KMT2C: variants seen among roughly 807,000 people sequenced by gnomAD.
KMT2C encodes the protein lysine methyltransferase 2C, also known as histone-lysine N-methyltransferase 2C.
In KMT2C, 88 loss-of-function variants were observed where a neutral mutation model predicts 507.9. That is an observed-to-expected ratio of 0.17 (90% CI 0.15 to 0.21). The LOEUF is 0.21. Among genes scored for constraint, KMT2C ranks in the 10% least tolerant of loss-of-function variants. The probability of loss-of-function intolerance (pLI) is 1.00; values close to 1 mark genes in which losing one functional copy is unlikely to be tolerated. For missense variants in KMT2C, 4,954 were observed against 5,957.8 expected (o/e 0.83, Z 5.55); for synonymous variants, 2,049 against 2,080.8 (o/e 0.98, Z 0.42).
At chr7:152,246,713 G>A (rs2095480015) in intron 14 of KMT2C, among the ~76,000 whole-genome samples, 1 of 151,954 alleles carries the variant, frequency 6.6e-6, no homozygotes, top group East Asian at 1.9e-4. Context: ...TACTAGAAAG[G>A]AGCACAACTG....
At chr7:152,276,426 A>C (rs928349083) in intron 6 of KMT2C, among the ~76,000 whole-genome samples, 7 of 152,214 alleles carry the variant, frequency 4.6e-5, no homozygotes. Flanking sequence ...AACAATTACG[A>C]AGCTAATTAA....
chr7:152,147,647 C>G (rs2091240487), intron 52 of KMT2C, among the ~76,000 whole-genome samples: 1 of 139,284 alleles, frequency 7.2e-6, no homozygotes, highest in Non-Finnish European at 1.5e-5. Flanking sequence ...GCGGAGGTTG[C>G]AGGGAACTGA....
At chr7:152,301,117 C>T (rs35021482) in intron 6 of KMT2C, among the ~76,000 whole-genome samples, 6,604 of 151,508 alleles carry the variant, frequency 0.044, 223 homozygotes, top group South Asian at 0.088. Context: ...AATACTAGCA[C>T]CTTGGCAGGC....
At chr7:152,430,354 C>G (rs530419894) in intron 1 of KMT2C, among the ~76,000 whole-genome samples, 2 of 151,778 alleles carry the variant, frequency 1.3e-5, no homozygotes, top group South Asian at 4.2e-4. Flanking sequence ...TAAAAATGGA[C>G]CAAAACAATA....
At chr7:152,406,840 G>C (rs2097620775) in intron 1 of KMT2C, among the ~76,000 whole-genome samples, 1 of 116,652 alleles carries the variant, frequency 8.6e-6, no homozygotes, top group Admixed American at 8.2e-5. Flanking sequence ...TTATTTTTTG[G>C]TTTTTTTTTT....
intron 1 of KMT2C, among the ~76,000 whole-genome samples, chr7:152,387,439 G>GTAAC (rs907277421): frequency 2.7e-5 from 4 of 148,120 alleles, no homozygotes; most frequent in African/African-American, 1.0e-4. Context: ...AAAAAAAAAA[G>GTAAC]TGACAAAACA....
rs761775190 is a variant in KMT2C, at chr7:152,177,338, C to CTCA, written c.8112_8114dup (p.Leu2704_Glu2705insAsp). ...CATCTAAGTCTTTGACTTCAACCCC[C>CTCA]TCAAGGTCTTTAACATCCAGTTCCT... On this transcript the variant is annotated inframe_insertion, in exon 38 of 59. Coordinates refer to ENST00000262189, the MANE Select transcript of KMT2C (RefSeq NM_170606.3). 1.9e-6 allele frequency: 3 copies of CTCA among 1,614,172 alleles called. No individual in the cohort carries two copies. The highest frequency in any genetic ancestry group is 1.7e-6 in the Non-Finnish European group (2 of 1,180,004).
intron 14 of KMT2C, among the ~76,000 whole-genome samples, chr7:152,242,652 A>T (rs1357401246): frequency 1.3e-5 from 2 of 152,200 alleles, no homozygotes; most frequent in African/African-American, 4.8e-5. Context: ...TGTCCAAGCT[A>T]GTAAGTTATA....
chr7:152,274,421 A>G (rs2096040725), intron 6 of KMT2C, among the ~76,000 whole-genome samples: 1 of 152,178 alleles, frequency 6.6e-6, no homozygotes, highest in African/African-American at 2.4e-5. Context: ...TTCTTAACAA[A>G]AGATGGAAAT....
intron 42 of KMT2C, among the ~76,000 whole-genome samples, chr7:152,164,590 G>A (rs1029162207): frequency 1.3e-5 from 2 of 151,658 alleles, no homozygotes; most frequent in African/African-American, 2.4e-5. Flanking sequence ...CGCCCGGCCT[G>A]TACAACATTT....
intron 14 of KMT2C, among the ~76,000 whole-genome samples, chr7:152,246,654 G>C (rs973147864): frequency 4.6e-5 from 7 of 151,770 alleles, no homozygotes; most frequent in Admixed American, 6.6e-5. Context: ...TTCAGAGTCA[G>C]AACAACATAA....
intron 6 of KMT2C, among the ~76,000 whole-genome samples, chr7:152,287,757 C>A (rs1231447094): frequency 6.6e-6 from 1 of 152,150 alleles, no homozygotes; most frequent in Non-Finnish European, 1.5e-5. Context: ...GACACAGTGG[C>A]TCACGCCTGC....
At position 152,435,813 on chromosome 7, in the gene KMT2C, T is replaced by C. The variant is rs2116822309; in HGVS notation, c.-27A>G. 2 of 1,139,202 alleles carry C rather than the reference T, an allele frequency of 1.8e-6. No homozygotes were observed. Among genetic ancestry groups the C allele is most frequent in the Non-Finnish European group, 2.2e-6 (2 of 912,488 alleles). 70.6% of individuals were successfully genotyped at this position (1,139,202 alleles called of 1,614,324 possible). On this transcript the variant is annotated 5_prime_UTR_variant, in exon 1 of 59. Transcript: ENST00000262189. ...CTAGTCACCAGGAAAGACACATGGA[T>C]CCCGGTCCTCCTCCTGGGGGGCTCC...
At chr7:152,433,814 C>A (rs1407776330) in intron 1 of KMT2C, among the ~76,000 whole-genome samples, 9 of 152,254 alleles carry the variant, frequency 5.9e-5, no homozygotes, top group Admixed American at 5.2e-4. Context: ...TACAAATGAG[C>A]TCATTTCAAA....
At chr7:152,395,161 C>T (rs559413617) in intron 1 of KMT2C, among the ~76,000 whole-genome samples, 1 of 152,042 alleles carries the variant, frequency 6.6e-6, no homozygotes, top group Non-Finnish European at 1.5e-5. Flanking sequence ...CTCATTACAA[C>T]AATAGTAGCA....
At chr7:152,432,005 C>G (rs1474536552) in intron 1 of KMT2C, among the ~76,000 whole-genome samples, 2 of 152,234 alleles carry the variant, frequency 1.3e-5, no homozygotes, top group East Asian at 3.9e-4. Context: ...GAGTAGCAAC[C>G]TAGCCATTTT....
intron 48 of KMT2C, 83 bp from the exon 49 acceptor site, chr7:152,153,037 C>T (rs2129097923): frequency 6.6e-7 from 1 of 1,504,934 alleles, no homozygotes; most frequent in Non-Finnish European, 9.1e-7. Flanking sequence ...TAGGATAAAT[C>T]CTCTTTGCAT....
Position 152,144,903 on chromosome 7 carries a change from C to A in KMT2C, c.14175-22G>T, listed in dbSNP as rs2129092944. 1 of 1,587,510 alleles carries A rather than the reference C, an allele frequency of 6.3e-7. No individual in the cohort carries two copies. Among genetic ancestry groups the A allele is most frequent in the Non-Finnish European group, 8.6e-7 (1 of 1,163,932 alleles). ...AGGCCTGCAGACAATGGCATATCAA[C>A]AGGAAAAAAATACAAGGAAAACTGA... On this transcript the variant is annotated intron_variant, in intron 54 of 58. Coordinates refer to ENST00000262189, the MANE Select transcript of KMT2C (RefSeq NM_170606.3). This position sits in a 1 kb window ranked among gnomAD's most constrained non-coding sequence, Gnocchi z 4.4.
intron 6 of KMT2C, among the ~76,000 whole-genome samples, chr7:152,303,154 T>C (rs2096586154): frequency 6.6e-6 from 1 of 152,126 alleles, no homozygotes; most frequent in Non-Finnish European, 1.5e-5. Context: ...AAAAAATGAA[T>C]AAAGTTTCCC....
Sources: gnomAD v4.1 joint callset for allele counts (sites outside exome capture counted in the v4.1 genomes callset) on GRCh38, gnomAD v4.1.1 for gene constraint, Gnocchi (gnomAD v3.1) non-coding constraint, MANE v1.5 for transcripts, NCBI Gene and HGNC (gene_info 2026-07-23, HGNC 2026-07-21) for gene names.